Variants in SLC9B1 observed in about 807,000 individuals in gnomAD.
The protein encoded by SLC9B1 is solute carrier family 9 member B1.
SLC9B1 carries 32 observed loss-of-function variants against 51.7 expected under a neutral mutation model. That is an observed-to-expected ratio of 0.62 (90% CI 0.47 to 0.83). SLC9B1 has a LOEUF of 0.83. Among genes scored for constraint, SLC9B1 ranks in the 40% least tolerant of loss-of-function variants. The pLI is 0.00. For missense variants in SLC9B1, 406 were observed against 613.2 expected (o/e 0.66, Z 3.57); for synonymous variants, 145 against 212.7 (o/e 0.68, Z 2.77).
intron 7 of SLC9B1, among the ~76,000 whole-genome samples, chr4:102,918,943 G>A (rs1735723550): frequency 6.6e-6 from 1 of 152,210 alleles, no homozygotes; most frequent in Non-Finnish European, 1.5e-5. Flanking sequence ...CTATGTGGCA[G>A]CTGCCAAGGC....
chr4:102,963,369 G>C (rs1185490214), intron 3 of SLC9B1: 2 of 215,628 alleles, frequency 9.3e-6, no homozygotes, highest in African/African-American at 2.3e-5. Flanking sequence ...TGTCATGTTG[G>C]GGAACAAGTG....
At chr4:103,014,945 T>C (rs1050475356) in intron 1 of SLC9B1, 4 of 152,120 alleles carry the variant, frequency 2.6e-5, no homozygotes, top group African/African-American at 9.7e-5. Flanking sequence ...ATTAGGAGAA[T>C]GAAATGAGAT....
chr4:102,888,041 A>G (rs1180393065), intron 11 of SLC9B1: 2 of 144,630 alleles, frequency 1.4e-5, no homozygotes, highest in African/African-American at 5.4e-5. Context: ...TTTACTTTAC[A>G]AAAGGCTTGT....
chr4:102,911,587 A>C (rs527492116), intron 7 of SLC9B1, 50 bp from the exon 8 acceptor site: 28 of 1,175,660 alleles, frequency 2.4e-5, no homozygotes, highest in Non-Finnish European at 9.8e-6. Flanking sequence ...ATCTTCACAT[A>C]CACTACACAT....
At chr4:102,886,499 GAAA>G (rs913243324) in intron 11 of SLC9B1, among the ~76,000 whole-genome samples, 1 of 150,522 alleles carries the variant, frequency 6.6e-6, no homozygotes, top group Non-Finnish European at 1.5e-5. Flanking sequence ...ACAAAAAAAA[GAAA>G]AAAAAGAATA....
At chr4:102,921,856 G>C (rs907227576) in intron 7 of SLC9B1, among the ~76,000 whole-genome samples, 3 of 152,152 alleles carry the variant, frequency 2.0e-5, no homozygotes, top group African/African-American at 7.2e-5. Context: ...AACAAGAAGA[G>C]CTAACTATCC....
chr4:102,923,216 G>A (rs968901761), intron 7 of SLC9B1, among the ~76,000 whole-genome samples: 6 of 152,104 alleles, frequency 3.9e-5, no homozygotes, highest in African/African-American at 1.4e-4. Flanking sequence ...TATCCACCAC[G>A]ATCAAGTTGG....
At chr4:102,903,542 G>A (rs200232735) in intron 11 of SLC9B1, among the ~76,000 whole-genome samples, 2 of 147,704 alleles carry the variant, frequency 1.4e-5, no homozygotes, top group African/African-American at 4.9e-5. Context: ...AAGTAACATG[G>A]TATTCAAAAC....
At chr4:102,951,332 T>C (rs964802884) in intron 3 of SLC9B1, among the ~76,000 whole-genome samples, 1 of 152,072 alleles carries the variant, frequency 6.6e-6, no homozygotes, top group African/African-American at 2.4e-5. Context: ...GTCTCAAAGG[T>C]AAAGCCAAGT....
intron 1 of SLC9B1, among the ~76,000 whole-genome samples, chr4:103,008,084 C>T (rs1375175329): frequency 6.6e-6 from 1 of 152,154 alleles, no homozygotes; most frequent in Non-Finnish European, 1.5e-5. Flanking sequence ...TTATGCTTTA[C>T]TTATTTCAAT....
intron 3 of SLC9B1, among the ~76,000 whole-genome samples, chr4:102,954,561 GATAA>G (rs1192011740): frequency 5.3e-5 from 8 of 151,962 alleles, no homozygotes; most frequent in Admixed American, 1.3e-4. Flanking sequence ...GAAGATGGAA[GATAA>G]ATAAAGTCTT....
intron 3 of SLC9B1, among the ~76,000 whole-genome samples, chr4:102,977,886 C>T (rs1179121730): frequency 6.6e-6 from 1 of 151,998 alleles, no homozygotes; most frequent in Non-Finnish European, 1.5e-5. Context: ...TATACATGTG[C>T]CATGTTGTTG....
Position 102,981,012 on chromosome 4 carries a change from C to T in SLC9B1, c.211+8788G>A, listed in dbSNP as rs577057904. ...GGCTCTGCCTGCTCATCCCTCCCTC[C>T]TCTCAATTCCTGACAACCACTGATC... On this transcript the variant is annotated intron_variant, in intron 3 of 11. Coordinates refer to ENST00000296422, the MANE Select transcript of SLC9B1 (RefSeq NM_139173.4). Among the ~76,000 whole-genome samples the T allele has an allele frequency of 3.0e-4, 46 of 152,146 alleles. 1 individual carries two copies. Among genetic ancestry groups the T allele is most frequent in the Non-Finnish European group, 6.0e-4 (41 of 68,024 alleles).
intron 1 of SLC9B1, among the ~76,000 whole-genome samples, chr4:103,019,381 G>C (rs1578427428): frequency 6.6e-6 from 1 of 152,206 alleles, no homozygotes; most frequent in African/African-American, 2.4e-5. Flanking sequence ...GAACAAACAA[G>C]AGAGATGTGG....
At chr4:102,940,569 T>C (rs1736940652) in intron 6 of SLC9B1, among the ~76,000 whole-genome samples, 1 of 152,130 alleles carries the variant, frequency 6.6e-6, no homozygotes, top group Non-Finnish European at 1.5e-5. Flanking sequence ...AAAGCAATCC[T>C]AAGCAAAAAG....
intron 3 of SLC9B1, among the ~76,000 whole-genome samples, chr4:102,969,643 G>A (rs1253597012): frequency 6.6e-6 from 1 of 152,214 alleles, no homozygotes; most frequent in Non-Finnish European, 1.5e-5. Flanking sequence ...TGACTTTGAC[G>A]AGTTGACAGA....
At chr4:102,917,869 A>T (rs1200348142) in intron 7 of SLC9B1, among the ~76,000 whole-genome samples, 1 of 152,052 alleles carries the variant, frequency 6.6e-6, no homozygotes. Flanking sequence ...CAGGAGTTTG[A>T]GACCAGCCTG....
intron 1 of SLC9B1, among the ~76,000 whole-genome samples, chr4:103,013,488 T>C (rs973481523): frequency 6.6e-6 from 1 of 152,204 alleles, no homozygotes; most frequent in Non-Finnish European, 1.5e-5. Context: ...CCTATTCTCT[T>C]CTCACTCTAT....
intron 6 of SLC9B1, among the ~76,000 whole-genome samples, chr4:102,941,209 C>T (rs1473251608): frequency 6.6e-6 from 1 of 151,866 alleles, no homozygotes; most frequent in Non-Finnish European, 1.5e-5. Flanking sequence ...ATCAACAAAC[C>T]ACCTATGGAA....
Sources: gnomAD v4.1 joint callset for allele counts (sites outside exome capture counted in the v4.1 genomes callset) on GRCh38, gnomAD v4.1.1 for gene constraint, MANE v1.5 for transcripts, NCBI Gene and HGNC (gene_info 2026-07-23, HGNC 2026-07-21) for gene names.